Variants in PLPPR1 observed in about 807,000 individuals in gnomAD.
PLPPR1 encodes phospholipid phosphatase related 1, also known as phospholipid phosphatase-related protein type 1.
Under a neutral mutation model 33.1 loss-of-function variants are expected in PLPPR1, and 10 were observed. The observed-to-expected ratio is 0.30, with a 90% CI of 0.19 to 0.51. The LOEUF is 0.51. Among genes scored for constraint, PLPPR1 ranks in the 20% least tolerant of loss-of-function variants. The probability of loss-of-function intolerance (pLI) is 0.97; values close to 1 mark genes in which losing one functional copy is unlikely to be tolerated. For synonymous variants in PLPPR1, 151 were observed against 151.0 expected (o/e 1.00, Z 0.00); for missense variants, 304 against 408.1 (o/e 0.74, Z 2.20).
chr9:101,053,557 CAG>C (rs1317119857), intron 1 of PLPPR1, among the ~76,000 whole-genome samples: 1 of 152,180 alleles, frequency 6.6e-6, no homozygotes, highest in African/African-American at 2.4e-5. Context: ...AATGCCCTAA[CAG>C]GGTATTCATG....
chr9:101,236,468 G>C (rs1827300788), intron 2 of PLPPR1, among the ~76,000 whole-genome samples: 1 of 151,422 alleles, frequency 6.6e-6, no homozygotes, highest in Admixed American at 6.6e-5. Flanking sequence ...CCAAAGGACA[G>C]AATGCCAGTA....
intron 4 of PLPPR1, among the ~76,000 whole-genome samples, 186 bp from the exon 5 acceptor site, chr9:101,309,025 T>G (rs1008650198): frequency 1.3e-5 from 2 of 152,202 alleles, no homozygotes; most frequent in Non-Finnish European, 2.9e-5. Context: ...AACAGTAGAA[T>G]GTCTACATCA....
At chr9:101,032,405 A>G (rs769877692) in intron 1 of PLPPR1, among the ~76,000 whole-genome samples, 3 of 152,108 alleles carry the variant, frequency 2.0e-5, no homozygotes, top group Non-Finnish European at 4.4e-5. Flanking sequence ...GTAGGGGTGG[A>G]CAAGAGGAGA....
chr9:101,217,913 T>G (rs1826836730), intron 2 of PLPPR1, among the ~76,000 whole-genome samples: 2 of 152,126 alleles, frequency 1.3e-5, no homozygotes, highest in South Asian at 4.2e-4. Flanking sequence ...AAATGCTCAC[T>G]CCAAGCATAA....
intron 1 of PLPPR1, among the ~76,000 whole-genome samples, chr9:101,092,848 C>T (rs1005212517): frequency 1.3e-5 from 2 of 152,050 alleles, no homozygotes; most frequent in African/African-American, 2.4e-5. Flanking sequence ...GGTCACGAGG[C>T]GAGGGTCCCC....
chr9:101,306,598 G>T (rs1828863536), intron 4 of PLPPR1, among the ~76,000 whole-genome samples: 2 of 152,140 alleles, frequency 1.3e-5, no homozygotes, highest in South Asian at 4.1e-4. Context: ...GTTGTAAATT[G>T]GAAAATCCAT....
At chr9:101,193,414 G>T (rs1022292526) in intron 2 of PLPPR1, among the ~76,000 whole-genome samples, 2 of 152,068 alleles carry the variant, frequency 1.3e-5, no homozygotes, top group African/African-American at 4.8e-5. Flanking sequence ...AATCTCATAA[G>T]TATAAGATAT....
chr9:101,183,214 C>T (rs1826147639), intron 1 of PLPPR1, among the ~76,000 whole-genome samples: 1 of 151,660 alleles, frequency 6.6e-6, no homozygotes, highest in Non-Finnish European at 1.5e-5. Context: ...CATGGTTTTC[C>T]ATAATATTGA....
chr9:101,069,221 G>A (rs563869728), intron 1 of PLPPR1, among the ~76,000 whole-genome samples: 13 of 152,036 alleles, frequency 8.6e-5, no homozygotes, highest in East Asian at 1.9e-4. Flanking sequence ...GTTGCTGGGC[G>A]TAACCACCTT....
At chr9:101,178,352 A>C (rs1000422225) in intron 1 of PLPPR1, among the ~76,000 whole-genome samples, 2 of 152,202 alleles carry the variant, frequency 1.3e-5, no homozygotes, top group South Asian at 4.1e-4. Flanking sequence ...ATATGGCATC[A>C]TTCCTTGGGG....
chr9:101,086,238 A>G (rs1225396763), intron 1 of PLPPR1, among the ~76,000 whole-genome samples: 2 of 152,202 alleles, frequency 1.3e-5, no homozygotes, highest in Non-Finnish European at 2.9e-5. Flanking sequence ...ATATTAGGCT[A>G]GAATTTGGGG....
intron 1 of PLPPR1, among the ~76,000 whole-genome samples, chr9:101,140,447 T>C (rs1176704742): frequency 2.0e-5 from 3 of 152,120 alleles, no homozygotes; most frequent in Non-Finnish European, 4.4e-5. Context: ...GTATGCAAAA[T>C]GTTCTTCATA....
At chr9:101,129,795 C>T (rs891552868) in intron 1 of PLPPR1, among the ~76,000 whole-genome samples, 6 of 152,226 alleles carry the variant, frequency 3.9e-5, no homozygotes, top group African/African-American at 4.8e-5. Context: ...CACGCCACTG[C>T]ACTCCAGCCT....
At chr9:101,155,524 C>A (rs1192426990) in intron 1 of PLPPR1, among the ~76,000 whole-genome samples, 1 of 152,168 alleles carries the variant, frequency 6.6e-6, no homozygotes, top group Admixed American at 6.5e-5. Context: ...GGCAGAGCCC[C>A]CATGACCTAA....
At chr9:101,311,003 C>T (rs191516997) in intron 5 of PLPPR1, among the ~76,000 whole-genome samples, 2 of 152,266 alleles carry the variant, frequency 1.3e-5, no homozygotes, top group East Asian at 3.9e-4. Flanking sequence ...ATAAAGCCCT[C>T]TGAAGTATCC....
intron 1 of PLPPR1, among the ~76,000 whole-genome samples, chr9:101,161,902 TA>T (rs1197793738): frequency 3.3e-5 from 5 of 152,106 alleles, no homozygotes; most frequent in Non-Finnish European, 7.4e-5. Context: ...AATATTTCAA[TA>T]TTTTTTTCTC....
At chr9:101,134,195 A>C (rs980424890) in intron 1 of PLPPR1, among the ~76,000 whole-genome samples, 6 of 152,208 alleles carry the variant, frequency 3.9e-5, no homozygotes, top group Admixed American at 3.3e-4. Context: ...CCAGCCTTCA[A>C]GCCAAACTGA....
At chr9:101,246,805 C>G (rs1280444354) in intron 2 of PLPPR1, among the ~76,000 whole-genome samples, 1 of 152,068 alleles carries the variant, frequency 6.6e-6, no homozygotes, top group Admixed American at 6.6e-5. Context: ...TCTGGGGACA[C>G]TCCTAGGTCT....
At chr9:101,298,072 G>GTT (rs1166688269) in intron 4 of PLPPR1, among the ~76,000 whole-genome samples, 2 of 152,248 alleles carry the variant, frequency 1.3e-5, no homozygotes, top group Admixed American at 1.3e-4. Flanking sequence ...TTTGATGAGG[G>GTT]TTTTTGGTTT....
Sources: allele counts gnomAD v4.1 joint callset (sites outside exome capture counted in the v4.1 genomes callset), GRCh38; gene constraint gnomAD v4.1.1; transcripts MANE v1.5; gene names NCBI Gene and HGNC (gene_info 2026-07-23, HGNC 2026-07-21).